ROBO1: variants seen among roughly 807,000 people sequenced by gnomAD.
The protein encoded by ROBO1 is roundabout guidance receptor 1.
In ROBO1, 149 loss-of-function variants were observed where a neutral mutation model predicts 195.9. The ratio of observed to expected loss-of-function variants is 0.76; its 90% CI spans 0.67 to 0.87. The LOEUF (loss-of-function observed/expected upper bound fraction) is 0.87. ROBO1 is among the 40% of genes least tolerant of loss of function. The probability of loss-of-function intolerance (pLI) is 0.00; values close to 1 mark genes in which losing one functional copy is unlikely to be tolerated. For synonymous variants in ROBO1, 816 were observed against 733.2 expected (o/e 1.11, Z -1.82); for missense variants, 1,933 against 2,068.3 (o/e 0.93, Z 1.27).
intron 3 of ROBO1, chr3:79,018,381 G>C: frequency 6.2e-7 from 1 of 1,613,570 alleles, no homozygotes; most frequent in African/African-American, 1.3e-5. Context: ...GAGGATCAAG[G>C]GTGAAGAAAG....
chr3:78,767,285 AT>A (rs1439652774), intron 4 of ROBO1, among the ~76,000 whole-genome samples: 5 of 149,654 alleles, frequency 3.3e-5, no homozygotes, highest in African/African-American at 1.2e-4. Context: ...ATTTTATTTT[AT>A]TTTTTGAGGC....
chr3:79,098,117 C>T (rs558975423), intron 3 of ROBO1, among the ~76,000 whole-genome samples: 2 of 151,738 alleles, frequency 1.3e-5, no homozygotes, highest in Non-Finnish European at 2.9e-5. Flanking sequence ...TGTTCATTCT[C>T]GTATTCTTTT....
chr3:79,561,218 G>A (rs1482819895), intron 2 of ROBO1, among the ~76,000 whole-genome samples: 1 of 152,084 alleles, frequency 6.6e-6, no homozygotes, highest in African/African-American at 2.4e-5. Flanking sequence ...TTATCCTTAA[G>A]TAGTTTTGAA....
chr3:79,706,883 T>C (rs1437088421), intron 1 of ROBO1, among the ~76,000 whole-genome samples: 1 of 152,164 alleles, frequency 6.6e-6, no homozygotes, highest in Non-Finnish European at 1.5e-5. Context: ...TAACACTTTT[T>C]CTACCTTGTT....
chr3:79,246,116 A>C (rs1357331063), intron 2 of ROBO1, among the ~76,000 whole-genome samples: 2 of 152,170 alleles, frequency 1.3e-5, no homozygotes, highest in Non-Finnish European at 2.9e-5. Flanking sequence ...TTGTGTACCT[A>C]TATGGATGCT....
chr3:79,519,194 G>A (rs1009295756), intron 2 of ROBO1, among the ~76,000 whole-genome samples: 1 of 152,172 alleles, frequency 6.6e-6, no homozygotes, highest in African/African-American at 2.4e-5. Context: ...AGAGGGAAGA[G>A]ATGATAAGAT....
chr3:79,611,773 G>T (rs540967622), intron 1 of ROBO1, among the ~76,000 whole-genome samples: 134 of 152,140 alleles, frequency 8.8e-4, no homozygotes, highest in African/African-American at 3.1e-3. Context: ...AGCATTAGGA[G>T]AAATACCTAA....
chr3:78,985,689 C>G (rs1490077980), intron 3 of ROBO1, among the ~76,000 whole-genome samples: 1 of 152,138 alleles, frequency 6.6e-6, no homozygotes, highest in East Asian at 1.9e-4. Flanking sequence ...TTGTAACAGC[C>G]AAAGTTACCA....
intron 2 of ROBO1, among the ~76,000 whole-genome samples, chr3:79,192,167 A>G (rs1022880223): frequency 6.6e-6 from 1 of 151,650 alleles, no homozygotes; most frequent in African/African-American, 2.4e-5. Flanking sequence ...TCTCAATTCT[A>G]TTAGTAGTAA....
At chr3:79,501,598 A>G (rs1166371686) in intron 2 of ROBO1, among the ~76,000 whole-genome samples, 2 of 152,250 alleles carry the variant, frequency 1.3e-5, no homozygotes, top group Admixed American at 1.3e-4. Flanking sequence ...CTCCCTAGCT[A>G]TCAAAGCTTT....
intron 26 of ROBO1, among the ~76,000 whole-genome samples, chr3:78,621,065 C>T (rs1704429229): frequency 6.6e-6 from 1 of 151,192 alleles, no homozygotes; most frequent in South Asian, 2.1e-4. Flanking sequence ...ACACAACATT[C>T]TTTAATATAA....
At chr3:78,837,029 T>C (rs1391447294) in intron 4 of ROBO1, among the ~76,000 whole-genome samples, 1 of 152,148 alleles carries the variant, frequency 6.6e-6, no homozygotes, top group African/African-American at 2.4e-5. Context: ...ATTGTAATTA[T>C]ATTGTAAAAA....
At chr3:79,660,438 T>C (rs1018453535) in intron 1 of ROBO1, among the ~76,000 whole-genome samples, 4 of 152,050 alleles carry the variant, frequency 2.6e-5, no homozygotes, top group African/African-American at 9.7e-5. Flanking sequence ...GTGGCTACAA[T>C]GCGATCACTC....
intron 1 of ROBO1, among the ~76,000 whole-genome samples, chr3:79,590,288 T>G (rs1943958391): frequency 6.6e-6 from 1 of 151,768 alleles, no homozygotes; most frequent in Non-Finnish European, 1.5e-5. Context: ...AACACTCTCA[T>G]CACATTTAGA....
intron 2 of ROBO1, among the ~76,000 whole-genome samples, chr3:79,421,831 C>T (rs930889194): frequency 2.6e-5 from 4 of 151,950 alleles, no homozygotes; most frequent in Non-Finnish European, 4.4e-5. Context: ...GCTGTTGCTG[C>T]ATTTTTAATT....
At chr3:79,702,471 A>G (rs558645307) in intron 1 of ROBO1, among the ~76,000 whole-genome samples, 2 of 152,032 alleles carry the variant, frequency 1.3e-5, no homozygotes, top group South Asian at 2.1e-4. Flanking sequence ...TTTCTGATCC[A>G]TTGAAGGTCA....
intron 2 of ROBO1, among the ~76,000 whole-genome samples, chr3:79,367,245 T>A (rs2036012592): frequency 6.6e-6 from 1 of 152,154 alleles, no homozygotes; most frequent in Admixed American, 6.6e-5. Context: ...TTGGTCTCTA[T>A]CAGAAGGAGT....
intron 4 of ROBO1, among the ~76,000 whole-genome samples, chr3:78,830,153 G>A (rs1404081341): frequency 2.6e-5 from 4 of 152,116 alleles, no homozygotes; most frequent in African/African-American, 7.2e-5. Context: ...AGCCAGTCTC[G>A]TTTTTCTTTC....
chr3:79,606,076 T>A (rs543352987), intron 1 of ROBO1, among the ~76,000 whole-genome samples: 37 of 151,102 alleles, frequency 2.4e-4, no homozygotes, highest in African/African-American at 8.8e-4. Context: ...ACCACCCTGA[T>A]CACACAAATA....
Sources: allele counts gnomAD v4.1 joint callset (sites outside exome capture counted in the v4.1 genomes callset), GRCh38; gene constraint gnomAD v4.1.1; transcripts MANE v1.5; gene names NCBI Gene and HGNC (gene_info 2026-07-23, HGNC 2026-07-21).